Variants in SYNE2 observed in about 807,000 individuals in gnomAD.
The protein encoded by SYNE2 is spectrin repeat containing nuclear envelope protein 2.
SYNE2 carries 431 observed loss-of-function variants against 856.3 expected under a neutral mutation model. The ratio of observed to expected loss-of-function variants is 0.50; its 90% CI spans 0.47 to 0.55. The LOEUF (loss-of-function observed/expected upper bound fraction) is 0.55, where lower values mean the gene tolerates loss of function less well. Ranked by LOEUF, SYNE2 falls within the 20% of genes least tolerant of loss-of-function variation. The pLI, the probability that SYNE2 is intolerant of heterozygous loss-of-function variation, is 0.00. For missense variants in SYNE2, 8,129 were observed against 8,023.2 expected (o/e 1.01, Z -0.50); for synonymous variants, 2,923 against 2,872.3 (o/e 1.02, Z -0.56).
At chr14:64,062,566 A>C (rs2097325690) in intron 49 of SYNE2, among the ~76,000 whole-genome samples, 185 bp from the exon 50 acceptor site, 1 of 152,220 alleles carries the variant, frequency 6.6e-6, no homozygotes, top group Non-Finnish European at 1.5e-5. Flanking sequence ...ATTTAAACCC[A>C]TATGCAGGTC....
At chr14:64,069,216 G>C (rs1350784718) in intron 51 of SYNE2, among the ~76,000 whole-genome samples, 1 of 151,074 alleles carries the variant, frequency 6.6e-6, no homozygotes, top group Non-Finnish European at 1.5e-5. Context: ...GGAAACCCTA[G>C]ATGTACAATT....
At chr14:63,824,492 A>G (rs549656320) in intron 1 of SYNE2, among the ~76,000 whole-genome samples, 64 of 151,934 alleles carry the variant, frequency 4.2e-4, no homozygotes, top group Non-Finnish European at 7.8e-4. Context: ...CACAAAAATC[A>G]GCTGGGTGTG....
At chr14:63,809,981 G>A (rs896873640) in intron 1 of SYNE2, among the ~76,000 whole-genome samples, 2 of 152,162 alleles carry the variant, frequency 1.3e-5, no homozygotes, top group African/African-American at 4.8e-5. Context: ...CCAGCACTTT[G>A]GGAGGCCAAG....
intron 57 of SYNE2, among the ~76,000 whole-genome samples, chr14:64,082,424 C>A (rs1026855982): frequency 1.6e-5 from 2 of 121,600 alleles, no homozygotes; most frequent in African/African-American, 7.2e-5. Context: ...TGGTCTCAAG[C>A]ATTTCAGATA....
Position 64,078,618 on chromosome 14 carries a change from C to G in SYNE2, c.11163+12C>G. The G allele has an allele frequency of 2.5e-6, 4 of 1,613,176 alleles. No individual in the cohort carries two copies. Among genetic ancestry groups the G allele is most frequent in the Non-Finnish European group, 3.4e-6 (4 of 1,179,704 alleles). On this transcript the variant is annotated intron_variant, in intron 55 of 115. Transcript: ENST00000555002. ...AAGAAATTCAAAAGGTAAAATCCTC[C>G]TTTAACTCCCTTCAGCATTTGGTAC...
chr14:64,001,459 C>T (rs1202492533), intron 28 of SYNE2, among the ~76,000 whole-genome samples: 2 of 152,028 alleles, frequency 1.3e-5, no homozygotes, highest in Non-Finnish European at 2.9e-5. Flanking sequence ...CCAAGGCAGG[C>T]GGATCACTTG....
chr14:64,215,883 T>A, intron 107 of SYNE2: 1 of 1,223,278 alleles, frequency 8.2e-7, no homozygotes, highest in Non-Finnish European at 1.0e-6. Flanking sequence ...GCCTTTTGGT[T>A]CCCAAGTCCA....
chr14:63,890,101 G>A (rs553505865), intron 1 of SYNE2, among the ~76,000 whole-genome samples: 1 of 142,782 alleles, frequency 7.0e-6, no homozygotes. Flanking sequence ...CTGTCACCTC[G>A]GCTGTATGGA....
intron 37 of SYNE2, 110 bp downstream of exon 37, chr14:64,022,138 T>G: frequency 1.0e-6 from 1 of 1,001,218 alleles, no homozygotes; most frequent in Non-Finnish European, 1.5e-6. Context: ...TTGCACAGAC[T>G]ACATTCAAGG....
Position 64,001,665 on chromosome 14 carries a change from T to G in SYNE2, c.3639-269T>G, listed in dbSNP as rs1249951865. ...TTAACCTAGCTCTGCTGCCTCTTAC[T>G]AAATAAATGTATGTTGAATGAATGA... On this transcript the variant is annotated intron_variant, in intron 28 of 115. Transcript: ENST00000555002. 2.0e-5 allele frequency among the ~76,000 whole-genome samples: 3 copies of G among 152,352 alleles called. No individual in the cohort carries two copies. In the East Asian group the frequency reaches 5.8e-4, roughly 29 times the overall value.
chr14:63,997,209 G>A (rs1567006431), intron 24 of SYNE2, 51 bp downstream of exon 24: 4 of 1,595,138 alleles, frequency 2.5e-6, no homozygotes, highest in Non-Finnish European at 1.7e-6. Context: ...GAAGCCTTTT[G>A]CACGATCAAA....
chr14:63,796,287 C>T (rs1887911343), intron 1 of SYNE2, among the ~76,000 whole-genome samples: 1 of 152,090 alleles, frequency 6.6e-6, no homozygotes, highest in South Asian at 2.1e-4. Context: ...GGTGAAACCC[C>T]ATCTCTACTA....
intron 96 of SYNE2, 135 bp downstream of exon 96, chr14:64,177,618 A>G: frequency 1.8e-6 from 2 of 1,139,374 alleles, no homozygotes; most frequent in South Asian, 2.6e-5. Flanking sequence ...GATCTGTCTA[A>G]CATAACATGC....
intron 65 of SYNE2, among the ~76,000 whole-genome samples, chr14:64,110,861 G>A (rs1003211016): frequency 3.9e-5 from 6 of 152,070 alleles, no homozygotes; most frequent in Non-Finnish European, 8.8e-5. Flanking sequence ...AGAGGTGGGT[G>A]AACTGATCTC....
At chr14:63,938,015 AGTT>A (rs776495848) in intron 2 of SYNE2, among the ~76,000 whole-genome samples, 9 of 152,186 alleles carry the variant, frequency 5.9e-5, no homozygotes, top group Admixed American at 6.5e-5. Context: ...ATCATGGAGG[AGTT>A]GTTATTAGTA....
intron 1 of SYNE2, among the ~76,000 whole-genome samples, chr14:63,877,427 A>C (rs2094750197): frequency 6.6e-6 from 1 of 152,226 alleles, no homozygotes; most frequent in African/African-American, 2.4e-5. Flanking sequence ...TTGTACCAAC[A>C]GGAGATTTCT....
In SYNE2 at chr14:64,119,575, A is replaced by G. The variant is rs1468928422; in HGVS notation, c.12989A>G (p.Gln4330Arg). 1 of 1,614,202 alleles carries G rather than the reference A, an allele frequency of 6.2e-7. No homozygotes were observed. The highest frequency in any genetic ancestry group is 8.5e-7 in the Non-Finnish European group (1 of 1,180,028). The change falls in exon 67 of 116, where the codon CAG becomes CGG. Residue 4330 changes from glutamine (Q) to arginine (R), a missense_variant. By Grantham distance (43) the Gln-to-Arg change is conservative. Coordinates refer to ENST00000555002, the MANE Select transcript of SYNE2 (RefSeq NM_182914.3). ...GTGAAGTGCAATTTAGAAAAAGTCC[A>G]GATGATGCTTCAGGAGAAGCACAGT... ...KTVKCNLEKV[Q>R]MMLQEKHSED...
At chr14:64,162,655 C>T in intron 88 of SYNE2, 1 of 326,202 alleles carries the variant, frequency 3.1e-6, no homozygotes, top group South Asian at 2.7e-5. Context: ...GGACTTGGTG[C>T]CATGTTGCTA....
chr14:64,098,693 T>C (rs2097696870), intron 62 of SYNE2, 54 bp from the exon 63 acceptor site: 1 of 1,579,420 alleles, frequency 6.3e-7, no homozygotes, highest in Admixed American at 1.7e-5. Context: ...ACTGGGATCT[T>C]GGTGATGTTG....
Sources: gnomAD v4.1 joint callset for allele counts (sites outside exome capture counted in the v4.1 genomes callset) on GRCh38, gnomAD v4.1.1 for gene constraint, MANE v1.5 for transcripts, NCBI Gene and HGNC (gene_info 2026-07-23, HGNC 2026-07-21) for gene names.